FOXN3: variants seen among roughly 807,000 people sequenced by gnomAD.
The protein encoded by FOXN3 is forkhead box protein N3.
Under a neutral mutation model 38.4 loss-of-function variants are expected in FOXN3, and 7 were observed. The observed-to-expected ratio is 0.18, with a 90% confidence interval of 0.10 to 0.34. The LOEUF (loss-of-function observed/expected upper bound fraction) is 0.34, where lower values mean the gene tolerates loss of function less well. Among genes scored for constraint, FOXN3 ranks in the 10% least tolerant of loss-of-function variants. FOXN3 has a pLI of 1.00. For synonymous variants in FOXN3, 230 were observed against 242.2 expected, an observed-to-expected ratio of 0.95 and a Z score of 0.47; for missense variants, 456 against 613.4, an observed-to-expected ratio of 0.74 and a Z score of 2.71.
intron 3 of FOXN3, among the ~76,000 whole-genome samples, chr14:89,287,256 C>G (rs1031474215): frequency 7.2e-5 from 11 of 152,104 alleles, no homozygotes; most frequent in African/African-American, 2.7e-4. Flanking sequence ...CGGGTTCAAG[C>G]AATTCTCCTG....
intron 1 of FOXN3, among the ~76,000 whole-genome samples, chr14:89,505,655 C>T (rs983530461): frequency 1.3e-5 from 2 of 152,070 alleles, no homozygotes; most frequent in African/African-American, 4.8e-5. Context: ...CCTGCCTTGG[C>T]CCCCCAAAGT....
intron 4 of FOXN3, 118 bp downstream of exon 4, chr14:89,280,832 A>G (rs1035594754): frequency 2.2e-5 from 17 of 762,176 alleles, no homozygotes; most frequent in Middle Eastern, 2.4e-4. Context: ...ACACTTCTCC[A>G]GAAAGCGGCC....
intron 3 of FOXN3, among the ~76,000 whole-genome samples, chr14:89,320,801 C>A (rs963028741): frequency 2.0e-5 from 3 of 152,132 alleles, no homozygotes; most frequent in East Asian, 1.9e-4. Flanking sequence ...ATATACCTCC[C>A]AGGAAGCATC....
chr14:89,350,930 C>A lies in FOXN3; in HGVS notation c.544-122G>T, dbSNP rs1037176429. On this transcript the variant is annotated intron_variant, in intron 2 of 5. Transcript: ENST00000557258. ...AAGCTTCTCATTTGTTGACTGTTTG[C>A]CAGCCTTAAATATTATACTGACAGT... is the stretch of plus-strand genomic sequence containing the variant. 1.7e-5 allele frequency: 12 copies of A among 704,786 alleles called. No homozygotes were observed. The African/African-American group carries it at 2.1e-4, about 12-fold the overall frequency. The allele number at this position is 704,786 out of a possible 1,614,324, so 43.7% of individuals were successfully genotyped here. A position where few individuals can be genotyped will look rare whatever the true frequency, so the allele number is the denominator to read the frequency against.
chr14:89,202,027 T>C (rs1888248481), intron 4 of FOXN3, among the ~76,000 whole-genome samples: 1 of 152,194 alleles, frequency 6.6e-6, no homozygotes, highest in Non-Finnish European at 1.5e-5. Flanking sequence ...AAGGAAAGAT[T>C]CCATCTCAGA....
chr14:89,262,001 G>A (rs955793520), intron 4 of FOXN3, among the ~76,000 whole-genome samples: 1 of 152,160 alleles, frequency 6.6e-6, no homozygotes, highest in African/African-American at 2.4e-5. Context: ...CTACTCGGAA[G>A]GCTGAGGCAA....
chr14:89,610,767 A>G (rs1896372927), intron 1 of FOXN3, among the ~76,000 whole-genome samples: 1 of 152,220 alleles, frequency 6.6e-6, no homozygotes, highest in South Asian at 2.1e-4. Flanking sequence ...ATCATAGGGC[A>G]CAGTTCCTGG....
intron 1 of FOXN3, among the ~76,000 whole-genome samples, chr14:89,452,821 A>C (rs1227409319): frequency 6.6e-6 from 1 of 152,126 alleles, no homozygotes; most frequent in African/African-American, 2.4e-5. Flanking sequence ...AGAAATCAAA[A>C]CCTTTCAAAG....
At position 89,465,109 on chromosome 14, in the gene FOXN3, T is replaced by C. The variant is rs141791892; in HGVS notation, c.-14-52619A>G. 1.7e-3 allele frequency among the ~76,000 whole-genome samples: 259 copies of C among 152,318 alleles called. 3 individuals carry two copies. In the East Asian group the frequency reaches 0.042, roughly 25 times the overall value. ...AGCCGCCACGTGAAGAAGGATGTGT[T>C]TGCTTCCCCTTCTGCCATGATTGTA... On this transcript the variant is annotated intron_variant, in intron 1 of 6. Coordinates refer to the FOXN3 transcript ENST00000345097.
At chr14:89,186,740 C>T (rs1057060876) in intron 4 of FOXN3, among the ~76,000 whole-genome samples, 12 of 152,278 alleles carry the variant, frequency 7.9e-5, no homozygotes, top group East Asian at 7.7e-4. Flanking sequence ...ACATGCACAG[C>T]GGATGCTGCC....
chr14:89,331,935 G>A (rs1888258972), intron 3 of FOXN3, among the ~76,000 whole-genome samples: 1 of 152,154 alleles, frequency 6.6e-6, no homozygotes, highest in Non-Finnish European at 1.5e-5. Context: ...ATGTTGATCA[G>A]TGTGCTGTGA....
chr14:89,200,487 G>A (rs923860610), intron 4 of FOXN3, among the ~76,000 whole-genome samples: 7 of 152,150 alleles, frequency 4.6e-5, no homozygotes, highest in Non-Finnish European at 8.8e-5. Context: ...TAGGATGGCC[G>A]GGCTGGAAGC....
intron 1 of FOXN3, among the ~76,000 whole-genome samples, chr14:89,534,056 C>A (rs371655608): frequency 5.9e-5 from 9 of 151,950 alleles, no homozygotes; most frequent in East Asian, 5.8e-4. Flanking sequence ...GTGCTTCCCC[C>A]CCGCCACCCA....
intron 1 of FOXN3, among the ~76,000 whole-genome samples, chr14:89,511,215 C>CT (rs1373301687): frequency 0.096 from 822 of 8,554 alleles, 85 homozygotes; most frequent in African/African-American, 0.13. Flanking sequence ...TTCTTTCTTT[C>CT]TTTCTTTCTT....
chr14:89,258,554 C>A (rs1332173598), intron 4 of FOXN3, among the ~76,000 whole-genome samples: 1 of 152,220 alleles, frequency 6.6e-6, no homozygotes, highest in Non-Finnish European at 1.5e-5. Flanking sequence ...TGTGATACCA[C>A]CTGGACCACC....
intron 1 of FOXN3, among the ~76,000 whole-genome samples, chr14:89,557,368 C>T (rs1223624538): frequency 3.9e-5 from 6 of 152,080 alleles, no homozygotes; most frequent in South Asian, 2.1e-4. Flanking sequence ...TCAGAGATTG[C>T]GCTGTAGTCT....
At chr14:89,359,762 C>T (rs1226713021) in intron 2 of FOXN3, among the ~76,000 whole-genome samples, 7 of 152,184 alleles carry the variant, frequency 4.6e-5, no homozygotes, top group Admixed American at 3.3e-4. Flanking sequence ...GGAGGAGAGG[C>T]CCTGACCCCG....
chr14:89,506,952 C>A (rs1213870397), intron 1 of FOXN3, among the ~76,000 whole-genome samples: 1 of 152,110 alleles, frequency 6.6e-6, no homozygotes, highest in Non-Finnish European at 1.5e-5. Flanking sequence ...GTCATCGCCA[C>A]TCCCTAATCT....
chr14:89,548,836 G>A lies in FOXN3; in HGVS notation c.-15+70192C>T, dbSNP rs1402195652. The stretch of plus-strand genomic sequence containing the variant: ...AACAAGGTATTCAGTTTTTTATAAT[G>A]TGCCGGGCGCGGTGGCTCACGCCTG... On this transcript the variant is annotated intron_variant, in intron 1 of 6. Transcript: ENST00000345097. This position sits in a 1 kb window ranked among gnomAD's most constrained non-coding sequence, Gnocchi z 4.8. Among the ~76,000 whole-genome samples the A allele has an allele frequency of 6.6e-6, 1 of 152,076 alleles. No individual in the cohort carries two copies. Among genetic ancestry groups the A allele is most frequent in the Admixed American group, 6.5e-5 (1 of 15,274 alleles).
Sources: allele counts gnomAD v4.1 joint callset (sites outside exome capture counted in the v4.1 genomes callset), GRCh38; gene constraint gnomAD v4.1.1; non-coding constraint Gnocchi (gnomAD v3.1); transcripts MANE v1.5; gene names NCBI Gene and HGNC (gene_info 2026-07-23, HGNC 2026-07-21).